Variants in CEP290 observed in about 807,000 individuals in gnomAD.
CEP290 encodes centrosomal protein 290.
Under a neutral mutation model 344.9 loss-of-function variants are expected in CEP290, and 317 were observed. That is an observed-to-expected ratio of 0.92 (90% CI 0.84 to 1.01). The LOEUF (loss-of-function observed/expected upper bound fraction) is 1.01, where lower values mean the gene tolerates loss of function less well. Among genes scored for constraint, CEP290 ranks in the 50% least tolerant of loss-of-function variants. The pLI is 0.00. For synonymous variants in CEP290, 932 were observed against 895.8 expected, an observed-to-expected ratio of 1.04 and a Z score of -0.72; for missense variants, 2,754 against 2,761.4, an observed-to-expected ratio of 1.00 and a Z score of 0.06.
At chr12:88,097,055 C>T (rs1399941526) in intron 26 of CEP290, 56 bp from the exon 27 acceptor site, 7 of 841,436 alleles carry the variant, frequency 8.3e-6, no homozygotes, top group African/African-American at 1.7e-5. Flanking sequence ...ACCAATACCA[C>T]AAAATGACAT....
At chr12:88,102,223 A>G (rs1258133297) in intron 26 of CEP290, among the ~76,000 whole-genome samples, 1 of 152,200 alleles carries the variant, frequency 6.6e-6, no homozygotes, top group Admixed American at 6.5e-5. Context: ...CACAGATTGT[A>G]ACTTATGATA....
chr12:88,134,583 G>C (rs1220507208), intron 6 of CEP290, among the ~76,000 whole-genome samples: 2 of 152,158 alleles, frequency 1.3e-5, no homozygotes, highest in Non-Finnish European at 2.9e-5. Context: ...AGATAGCACA[G>C]ACTCTTGAGT....
chr12:88,073,471 C>T (rs1269079868), intron 41 of CEP290, among the ~76,000 whole-genome samples: 1 of 152,074 alleles, frequency 6.6e-6, no homozygotes, highest in East Asian at 1.9e-4. Flanking sequence ...TTTATGTTCC[C>T]CCTATATATT....
intron 6 of CEP290, among the ~76,000 whole-genome samples, chr12:88,135,011 A>C (rs1046990322): frequency 6.6e-6 from 1 of 152,146 alleles, no homozygotes; most frequent in African/African-American, 2.4e-5. Flanking sequence ...CTCTCTCCAG[A>C]GTATGCCAGA....
intron 20 of CEP290, among the ~76,000 whole-genome samples, chr12:88,112,744 A>G (rs1471270898): frequency 2.0e-5 from 3 of 152,124 alleles, no homozygotes; most frequent in East Asian, 3.8e-4. Context: ...TAGATTTGTA[A>G]AAGCCTTCCC....
At chr12:88,072,044 T>A in intron 41 of CEP290, 118 bp from the exon 42 acceptor site, 1 of 942,512 alleles carries the variant, frequency 1.1e-6, no homozygotes, top group Non-Finnish European at 1.5e-6. Context: ...AGAGAATATG[T>A]AAATATGTTC....
In CEP290 at chr12:88,130,643, A is replaced by C. The variant is rs533806103; in HGVS notation, c.496-78T>G. ...ATTAAAAATAATAATCAGAAACTAA[A>C]GAAAACAAAAAAATTTTGGGAAAAT... On this transcript the variant is annotated intron_variant, in intron 7 of 53. Transcript: ENST00000552810. 7 of 1,352,700 alleles carry C rather than the reference A, an allele frequency of 5.2e-6. No homozygotes were observed. The African/African-American group carries it at 9.1e-5, about 18-fold the overall frequency. 83.8% of individuals were successfully genotyped at this position (1,352,700 alleles called of 1,614,324 possible). A position where few individuals can be genotyped will look rare whatever the true frequency, so the allele number is the denominator to read the frequency against.
chr12:88,090,384 C>T (rs1242135796), intron 30 of CEP290, among the ~76,000 whole-genome samples: 1 of 152,140 alleles, frequency 6.6e-6, no homozygotes, highest in Non-Finnish European at 1.5e-5. Context: ...GTAATCCCAG[C>T]ATTCTGGGAA....
At position 88,109,099 on chromosome 12, in the gene CEP290, T is replaced by C. The variant is rs1251392498; in HGVS notation, c.2450A>G (p.His817Arg). ...DYNRKFAVIR[H>R]QQSLLYKEYL... ...TTCTTTATACAACAAACTTTGTTGATGACGAATTACAGCAAATTTTCTGTT... is the reference window on the plus strand; with the variant it reads ...TTCTTTATACAACAAACTTTGTTGACGACGAATTACAGCAAATTTTCTGTT... Residue 817 changes from histidine to arginine, a missense_variant, in exon 23 of 54, where the codon CAT becomes CGT. Physicochemically the swap from His to Arg is conservative, Grantham distance 29. Coordinates refer to ENST00000552810, the MANE Select transcript of CEP290 (RefSeq NM_025114.4). 6.9e-7 allele frequency: 1 copy of C among 1,442,802 alleles called. No individual in the cohort carries two copies. The allele number at this position is 1,442,802 out of a possible 1,614,324, so 89.4% of individuals were successfully genotyped here. A position where few individuals can be genotyped will look rare whatever the true frequency, so the allele number is the denominator to read the frequency against.
chr12:88,137,899 C>T (rs1262647949), intron 5 of CEP290, among the ~76,000 whole-genome samples: 1 of 152,188 alleles, frequency 6.6e-6, no homozygotes, highest in Admixed American at 6.5e-5. Context: ...ATATCCTGCT[C>T]TCCATCTTTA....
intron 46 of CEP290, 61 bp from the exon 47 acceptor site, chr12:88,061,055 AACAAT>A: frequency 1.7e-6 from 2 of 1,207,378 alleles, no homozygotes. Context: ...ACGAAGTACC[AACAAT>A]ACAACAGGCT....
At chr12:88,065,751 T>C (rs989718772) in intron 44 of CEP290, among the ~76,000 whole-genome samples, 3 of 152,206 alleles carry the variant, frequency 2.0e-5, no homozygotes, top group African/African-American at 7.2e-5. Flanking sequence ...AGGATATTTT[T>C]AACACATTTC....
chr12:88,098,385 G>C (rs576083990), intron 26 of CEP290, among the ~76,000 whole-genome samples: 1 of 151,996 alleles, frequency 6.6e-6, no homozygotes, highest in African/African-American at 2.4e-5. Context: ...TGAGGTGGGA[G>C]AATCACTTGA....
intron 17 of CEP290, among the ~76,000 whole-genome samples, 194 bp downstream of exon 17, chr12:88,118,289 G>T (rs1376948706): frequency 6.6e-6 from 1 of 150,880 alleles, no homozygotes; most frequent in East Asian, 1.9e-4. Flanking sequence ...GTTTTGTTTT[G>T]TTTTTGTCTA....
intron 20 of CEP290, among the ~76,000 whole-genome samples, chr12:88,112,939 A>G (rs965144570): frequency 2.6e-5 from 4 of 152,124 alleles, no homozygotes; most frequent in African/African-American, 9.7e-5. Context: ...GAGTTAAGAT[A>G]GCTGTTGGGG....
chr12:88,066,827 G>T (rs1325994005), intron 44 of CEP290, among the ~76,000 whole-genome samples: 1 of 151,878 alleles, frequency 6.6e-6, no homozygotes, highest in Non-Finnish European at 1.5e-5. Flanking sequence ...ACAGGGTCTG[G>T]CTATGCTGCC....
At chr12:88,103,079 G>C in intron 25 of CEP290, 68 bp from the exon 26 acceptor site, 1 of 946,772 alleles carries the variant, frequency 1.1e-6, no homozygotes, top group Non-Finnish European at 1.5e-6. Context: ...AGCCACTTTT[G>C]AGAAAGATAA....
At chr12:88,090,630 G>C in intron 30 of CEP290, 98 bp downstream of exon 30, 1 of 782,058 alleles carries the variant, frequency 1.3e-6, no homozygotes, top group East Asian at 2.8e-5. Flanking sequence ...ACCCTATCTC[G>C]AAACAAACAA....
chr12:88,065,532 T>G (rs2471510), intron 44 of CEP290, among the ~76,000 whole-genome samples: 1 of 152,040 alleles, frequency 6.6e-6, no homozygotes, highest in East Asian at 1.9e-4. Context: ...AGTGAAGGCA[T>G]TAGACAGGAT....
Sources: gnomAD v4.1 joint callset for allele counts (sites outside exome capture counted in the v4.1 genomes callset) on GRCh38, gnomAD v4.1.1 for gene constraint, MANE v1.5 for transcripts, NCBI Gene and HGNC (gene_info 2026-07-23, HGNC 2026-07-21) for gene names.